The following TRRAP variants were observed in gnomAD, a reference collection of about 807,000 sequenced individuals.
The protein encoded by TRRAP is transformation/transcription domain-associated protein.
In TRRAP, 41 loss-of-function variants were observed where a neutral mutation model predicts 438.8. That is an observed-to-expected ratio of 0.09 (90% CI 0.07 to 0.12). The LOEUF (loss-of-function observed/expected upper bound fraction) is 0.12. TRRAP is among the 10% of genes least tolerant of loss of function. The probability of loss-of-function intolerance (pLI) is 1.00; values close to 1 mark genes in which losing one functional copy is unlikely to be tolerated. For missense variants in TRRAP, 3,122 were observed against 5,055.1 expected, an observed-to-expected ratio of 0.62 and a Z score of 11.60; for synonymous variants, 1,994 against 1,962.9, an observed-to-expected ratio of 1.02 and a Z score of -0.42.
chr7:99,008,361 C>T lies in TRRAP; in HGVS notation c.10754-16C>T. 2.5e-6 allele frequency: 4 copies of T among 1,612,370 alleles called. No individual in the cohort carries two copies. The highest frequency in any genetic ancestry group is 3.4e-6 in the Non-Finnish European group (4 of 1,178,946). On this transcript the variant is annotated splice_polypyrimidine_tract_variant and intron_variant, in intron 69 of 72. Transcript: ENST00000456197. The stretch of plus-strand genomic sequence containing the variant: ...GTCACCCTCAGCCTGCCCCGTTTCT[C>T]TTCCTCTCTCCCCAGTGCCCCGGGT...
Position 98,962,445 on chromosome 7 carries a change from C to T in TRRAP, c.6829+18C>T, listed in dbSNP as rs1439857592. On this transcript the variant is annotated intron_variant, in intron 47 of 72. Coordinates refer to ENST00000456197, the MANE Select transcript of TRRAP (RefSeq NM_001375524.1). ...GCTCTTCGGTGAGTGTGTGTCTGTC[C>T]TGGTGTTCGTGGTGGCTCAGTTTGG... The T allele has an allele frequency of 3.1e-6, 5 of 1,613,996 alleles. No homozygotes were observed. The highest frequency in any genetic ancestry group is 4.2e-6 in the Non-Finnish European group (5 of 1,179,878).
In TRRAP at chr7:98,948,741, G is replaced by T; in HGVS notation, c.4788+56G>T. ...TCCCTTCAAATGCTTGTGAGCTGTCGTGCTCTGAAATGTTCAGTTCATATT... is the reference window on the plus strand; with the variant it reads ...TCCCTTCAAATGCTTGTGAGCTGTCTTGCTCTGAAATGTTCAGTTCATATT... On this transcript the variant is annotated intron_variant, in intron 35 of 72. Coordinates refer to ENST00000456197, the MANE Select transcript of TRRAP (RefSeq NM_001375524.1). The surrounding 1 kb of genome is among the most constrained non-coding windows in gnomAD (Gnocchi z 4.9). 6.2e-7 allele frequency: 1 copy of T among 1,612,230 alleles called. No individual in the cohort carries two copies. Among genetic ancestry groups the T allele is most frequent in the Non-Finnish European group, 8.5e-7 (1 of 1,179,462 alleles).
In TRRAP at chr7:98,930,019, G is replaced by T. The variant is rs1554412452; in HGVS notation, c.3206G>T (p.Gly1069Val). ...GPFLLPCYQV[G>V]SQPSTAMFHS... Reference sequence around the variant, plus strand: ...TTCTTGCTGCCTTGCTACCAGGTGGGCAGCCAGCCCAGCACAGCCATGTTT... The same window carrying T: ...TTCTTGCTGCCTTGCTACCAGGTGGTCAGCCAGCCCAGCACAGCCATGTTT... The change falls in exon 24 of 73, where the codon GGC becomes GTC. Residue 1069 changes from glycine to valine, a missense_variant. Transcript: ENST00000456197. The T allele has an allele frequency of 1.2e-6, 2 of 1,614,178 alleles. No homozygotes were observed. Among genetic ancestry groups the T allele is most frequent in the Non-Finnish European group, 1.7e-6 (2 of 1,180,036 alleles).
At chr7:98,988,669 C>T in intron 62 of TRRAP, 96 bp from the exon 63 acceptor site, 1 of 1,390,822 alleles carries the variant, frequency 7.2e-7, no homozygotes, top group South Asian at 1.3e-5. Flanking sequence ...GGACCAAATG[C>T]CCCGCAGTGT....
In TRRAP at chr7:98,908,578, T is replaced by A; in HGVS notation, c.1116-150T>A. ...AACTTGAGCCCTCTTCTGTCATGTA[T>A]CTGGGAGAGAGTAATGTGGTGAAAA... On this transcript the variant is annotated intron_variant, in intron 13 of 72. Coordinates refer to ENST00000456197, the MANE Select transcript of TRRAP (RefSeq NM_001375524.1). The surrounding 1 kb of genome is among the most constrained non-coding windows in gnomAD (Gnocchi z 4.1). 1 of 653,550 alleles carries A rather than the reference T, an allele frequency of 1.5e-6. No individual in the cohort carries two copies. Among genetic ancestry groups the A allele is most frequent in the East Asian group, 2.7e-5 (1 of 36,594 alleles). 40.5% of individuals were successfully genotyped at this position (653,550 alleles called of 1,614,324 possible). A position where few individuals can be genotyped will look rare whatever the true frequency, so the allele number is the denominator to read the frequency against.
intron 11 of TRRAP, among the ~76,000 whole-genome samples, chr7:98,902,985 G>A (rs1001890476): frequency 2.6e-5 from 4 of 151,740 alleles, no homozygotes; most frequent in African/African-American, 7.3e-5. Context: ...GGAGGATGGC[G>A]TGAGCCCAGG....
At chr7:98,889,972 G>A (rs1795893610) in intron 3 of TRRAP, among the ~76,000 whole-genome samples, 1 of 152,102 alleles carries the variant, frequency 6.6e-6, no homozygotes, top group Admixed American at 6.6e-5. Context: ...TAATACATTG[G>A]TTTGCTCAGG....
At position 99,012,424 on chromosome 7, in the gene TRRAP, T is replaced by C; in HGVS notation, c.*69T>C. 6.8e-7 allele frequency: 1 copy of C among 1,472,332 alleles called. No individual in the cohort carries two copies. The highest frequency in any genetic ancestry group is 1.4e-5 in the South Asian group (1 of 73,640). The allele number at this position is 1,472,332 out of a possible 1,614,324, so 91.2% of individuals were successfully genotyped here. On this transcript the variant is annotated 3_prime_UTR_variant, in exon 73 of 73. Transcript: ENST00000456197. This position sits in a 1 kb window ranked among gnomAD's most constrained non-coding sequence, Gnocchi z 5.9. ...CTCTGAGCCCGCAGCTTTTACGACT[T>C]CTCCCTGCCTCGTTCCTTATATTCA... is the stretch of plus-strand genomic sequence containing the variant.
intron 30 of TRRAP, among the ~76,000 whole-genome samples, chr7:98,940,134 T>G (rs1399818695): frequency 3.3e-5 from 5 of 151,650 alleles, no homozygotes; most frequent in Admixed American, 1.3e-4. Flanking sequence ...TCCACCTGCC[T>G]TGACTTCCTG....
rs1792655451 is a variant in TRRAP at position 98,976,334 on chromosome 7, AAG to A, written c.7959+68_7959+69del. ...TTTAGCTTTTGGTAAGTATTCATAA[AAG>A]AACACAGTCTCGAACAAGTTTCAGA... On this transcript the variant is annotated intron_variant, in intron 54 of 72. Transcript: ENST00000456197. This position sits in a 1 kb window ranked among gnomAD's most constrained non-coding sequence, Gnocchi z 4.6. 6.9e-6 allele frequency: 11 copies of A among 1,598,870 alleles called. No homozygotes were observed. The highest frequency in any genetic ancestry group is 9.4e-6 in the Non-Finnish European group (11 of 1,172,954).
chr7:98,991,183 CCT>C (rs1441493580), intron 64 of TRRAP, among the ~76,000 whole-genome samples: 2 of 152,288 alleles, frequency 1.3e-5, no homozygotes, highest in South Asian at 4.1e-4. Flanking sequence ...CCAGGATGTC[CCT>C]CTCCCGTGAA....
At chr7:98,906,609 TTTTAG>T (rs1796747992) in intron 13 of TRRAP, among the ~76,000 whole-genome samples, 1 of 151,818 alleles carries the variant, frequency 6.6e-6, no homozygotes, top group African/African-American at 2.4e-5. Context: ...ATTTTTGTAT[TTTTAG>T]TAGAGATGGG....
chr7:98,908,627 C>G lies in TRRAP; in HGVS notation c.1116-101C>G. ...AATGGGCCATGTAAGTGTGCCGACC[C>G]AGGGGTGGTGTTCCTGGGGCAGATG... On this transcript the variant is annotated intron_variant, in intron 13 of 72. Transcript: ENST00000456197. This position sits in a 1 kb window ranked among gnomAD's most constrained non-coding sequence, Gnocchi z 4.1. 2 of 1,072,212 alleles carry G rather than the reference C, an allele frequency of 1.9e-6. No homozygotes were observed. Among genetic ancestry groups the G allele is most frequent in the Non-Finnish European group, 2.7e-6 (2 of 738,678 alleles). The allele number at this position is 1,072,212 out of a possible 1,614,324, so 66.4% of individuals were successfully genotyped here.
At position 98,983,312 on chromosome 7, in the gene TRRAP, G is replaced by C. The variant is rs1448702841; in HGVS notation, c.8875G>C (p.Gly2959Arg). 6.2e-7 allele frequency: 1 copy of C among 1,614,140 alleles called. No individual in the cohort carries two copies. The highest frequency in any genetic ancestry group is 8.5e-7 in the Non-Finnish European group (1 of 1,180,012). Residue 2959 changes from glycine to arginine, a missense_variant, in exon 60 of 73, where the codon GGC becomes CGC. This residue lies in a region of TRRAP where 129 missense variants were observed against 279.2 expected (regional missense o/e 0.46). Coordinates refer to ENST00000456197, the MANE Select transcript of TRRAP (RefSeq NM_001375524.1). The stretch of plus-strand genomic sequence containing the variant: ...CCAGGAAGCTGCACAAATCAACGCA[G>C]GCTTACAGCCAACCAACCTGGGAAG... ...ELQEAAQINA[G>R]LQPTNLGRNN...
intron 3 of TRRAP, among the ~76,000 whole-genome samples, chr7:98,888,912 T>C (rs532477752): frequency 6.6e-6 from 1 of 152,318 alleles, no homozygotes; most frequent in South Asian, 2.1e-4. Context: ...TGTGTTCTGT[T>C]CATTATTTTA....
At chr7:98,944,488 G>A (rs1413434068) in intron 31 of TRRAP, among the ~76,000 whole-genome samples, 1 of 152,132 alleles carries the variant, frequency 6.6e-6, no homozygotes, top group African/African-American at 2.4e-5. Flanking sequence ...TCCTGTGATT[G>A]TGTTACCTGA....
In TRRAP at chr7:99,011,326, C is replaced by T. The variant is rs1185048038; in HGVS notation, c.11143-15C>T. 6.2e-7 allele frequency: 1 copy of T among 1,613,270 alleles called. No homozygotes were observed. The highest frequency in any genetic ancestry group is 1.1e-5 in the South Asian group (1 of 91,056). On this transcript the variant is annotated splice_polypyrimidine_tract_variant and intron_variant, in intron 71 of 72. Transcript: ENST00000456197. This position sits in a 1 kb window ranked among gnomAD's most constrained non-coding sequence, Gnocchi z 7.1. ...TTCTGCTGAAGTTCCTAAAGTGTCT[C>T]CTTCTGAAATTTAGGACACTGGCAA...
intron 51 of TRRAP, among the ~76,000 whole-genome samples, chr7:98,969,732 C>T (rs116914091): frequency 0.095 from 4,186 of 43,900 alleles, 81 homozygotes; most frequent in Middle Eastern, 0.2. Context: ...CCTGAGGCTG[C>T]GGGAAGCTAT....
chr7:98,976,250 C>T lies in TRRAP; in HGVS notation c.7941C>T (p.Leu2647=). ...TTTTCCCCAGATTGTGGAAGATCCT[C>T]TCTGACAGACAGCAGCATGTGAGTG... ...VQLFPRLWKI[L]SDRQQHALAG... is the part of the protein sequence containing the mutation. Residue 2647 remains leucine, a synonymous_variant, in exon 54 of 73, where the codon CTC becomes CTT. Coordinates refer to ENST00000456197, the MANE Select transcript of TRRAP (RefSeq NM_001375524.1). The surrounding 1 kb of genome is among the most constrained non-coding windows in gnomAD (Gnocchi z 4.6). 14 of 1,614,220 alleles carry T rather than the reference C, an allele frequency of 8.7e-6. No homozygotes were observed. The highest frequency in any genetic ancestry group is 1.1e-5 in the Non-Finnish European group (13 of 1,180,046).
Sources: gnomAD v4.1 joint callset for allele counts (sites outside exome capture counted in the v4.1 genomes callset) on GRCh38, gnomAD v4.1.1 for gene constraint, gnomAD v4.1.1 regional missense constraint, Gnocchi (gnomAD v3.1) non-coding constraint, MANE v1.5 for transcripts, NCBI Gene and HGNC (gene_info 2026-07-23, HGNC 2026-07-21) for gene names.